Variants in CR1L observed in about 807,000 individuals in gnomAD.
The protein encoded by CR1L is complement C3b/C4b receptor 1 like, also known as complement component receptor 1-like protein.
A neutral mutation model predicts 62.3 loss-of-function variants in CR1L; 59 were observed. The observed-to-expected ratio is 0.95, with a 90% CI of 0.77 to 1.18. The LOEUF (loss-of-function observed/expected upper bound fraction) is 1.18. Among genes scored for constraint, CR1L ranks in the 50% most tolerant of loss-of-function variants. CR1L has a pLI of 0.00. For missense variants in CR1L, 700 were observed against 702.8 expected (o/e 1.00, Z 0.04); for synonymous variants, 279 against 248.7 (o/e 1.12, Z -1.15).
chr1:207,696,715 T>C (rs1664105722), intron 5 of CR1L, among the ~76,000 whole-genome samples: 1 of 152,212 alleles, frequency 6.6e-6, no homozygotes, highest in Admixed American at 6.5e-5. Context: ...CTGAAATTAT[T>C]TTTTCCATTT....
At chr1:207,686,883 C>G (rs947525614) in intron 4 of CR1L, among the ~76,000 whole-genome samples, 2 of 152,038 alleles carry the variant, frequency 1.3e-5, no homozygotes, top group African/African-American at 4.8e-5. Flanking sequence ...TAAAAGAGGC[C>G]CAGAAGAGCT....
At chr1:207,674,483 T>A (rs779650693) in intron 1 of CR1L, among the ~76,000 whole-genome samples, 1 of 152,188 alleles carries the variant, frequency 6.6e-6, no homozygotes, top group East Asian at 1.9e-4. Flanking sequence ...GGAAACTACA[T>A]CAAGCATTCT....
chr1:207,707,349 C>A (rs536065956), intron 9 of CR1L, among the ~76,000 whole-genome samples: 6 of 152,198 alleles, frequency 3.9e-5, no homozygotes, highest in African/African-American at 1.4e-4. Context: ...ATGACAAGGC[C>A]GAGCACAGTG....
At chr1:207,703,914 A>T (rs1166694466) in intron 9 of CR1L, among the ~76,000 whole-genome samples, 1 of 152,168 alleles carries the variant, frequency 6.6e-6, no homozygotes, top group Non-Finnish European at 1.5e-5. Flanking sequence ...AGATTGCGTC[A>T]CCGCACTCCA....
At chr1:207,711,191 G>A (rs1263207672) in intron 10 of CR1L, among the ~76,000 whole-genome samples, 5 of 152,082 alleles carry the variant, frequency 3.3e-5, no homozygotes, top group Non-Finnish European at 7.4e-5. Flanking sequence ...GGCTCATCTT[G>A]TCTACTGATG....
chr1:207,657,058 A>G (rs1011093267), intron 1 of CR1L: 123 of 588,118 alleles, frequency 2.1e-4, no homozygotes, highest in Middle Eastern at 4.3e-4. Flanking sequence ...CACTGAAGAC[A>G]CAGAAATTTT....
At chr1:207,718,654 C>T (rs1654062890) in intron 11 of CR1L, among the ~76,000 whole-genome samples, 1 of 152,156 alleles carries the variant, frequency 6.6e-6, no homozygotes, top group Non-Finnish European at 1.5e-5. Context: ...AACTCCTGAC[C>T]TCAGGTAATC....
At chr1:207,655,296 T>C in intron 1 of CR1L, 1 of 622,446 alleles carries the variant, frequency 1.6e-6, no homozygotes, top group Non-Finnish European at 2.8e-6. Flanking sequence ...TCTTTTTTTT[T>C]TTTTTTTAAT....
At chr1:207,696,268 T>C (rs953445438) in intron 5 of CR1L, among the ~76,000 whole-genome samples, 2 of 152,248 alleles carry the variant, frequency 1.3e-5, no homozygotes, top group African/African-American at 4.8e-5. Context: ...ATCGCTAGAA[T>C]TGAAGCTGTA....
At chr1:207,671,914 C>A (rs1226916188) in intron 1 of CR1L, among the ~76,000 whole-genome samples, 1 of 150,652 alleles carries the variant, frequency 6.6e-6, no homozygotes, top group Non-Finnish European at 1.5e-5. Flanking sequence ...GAGTGAGACT[C>A]TGTCTCAAAA....
At chr1:207,705,721 C>T (rs530863229) in intron 9 of CR1L, among the ~76,000 whole-genome samples, 65 of 152,090 alleles carry the variant, frequency 4.3e-4, no homozygotes, top group South Asian at 2.9e-3. Context: ...GGAATAAGTG[C>T]GAACCTCCCT....
intron 3 of CR1L, among the ~76,000 whole-genome samples, chr1:207,679,153 A>ATTTTTTTTTTTTTT (rs34703217): frequency 3.8e-4 from 34 of 90,290 alleles, no homozygotes; most frequent in Admixed American, 5.2e-4. Flanking sequence ...GCCCACCACC[A>ATTTTTTTTTTTTTT]TTTTTTTTTT....
intron 9 of CR1L, among the ~76,000 whole-genome samples, chr1:207,706,027 A>G (rs1431481919): frequency 6.8e-6 from 1 of 147,620 alleles, no homozygotes; most frequent in African/African-American, 2.5e-5. Context: ...ATATATATAT[A>G]TATATATATA....
At chr1:207,685,674 C>T (rs1392992163) in intron 4 of CR1L, among the ~76,000 whole-genome samples, 1 of 152,210 alleles carries the variant, frequency 6.6e-6, no homozygotes, top group Admixed American at 6.5e-5. Context: ...ACAGTTCCCA[C>T]TGTCATTCCT....
intron 7 of CR1L, 22 bp from the exon 8 acceptor site, chr1:207,699,158 GCTCGCTATT>G: frequency 6.2e-7 from 1 of 1,613,110 alleles, no homozygotes; most frequent in Non-Finnish European, 8.5e-7. Context: ...GGCTGAAACA[GCTCGCTATT>G]CACTCCTATT....
intron 5 of CR1L, among the ~76,000 whole-genome samples, chr1:207,696,121 A>G (rs748646349): frequency 3.3e-4 from 51 of 152,328 alleles, no homozygotes; most frequent in Admixed American, 5.2e-4. Context: ...CAGTCTACAC[A>G]GCACAGGAGC....
chr1:207,685,633 A>G (rs1663888254), intron 4 of CR1L, among the ~76,000 whole-genome samples: 1 of 152,184 alleles, frequency 6.6e-6, no homozygotes, highest in Admixed American at 6.5e-5. Flanking sequence ...TTTGGTCCCC[A>G]AGTGAATTCA....
At position 207,697,539 on chromosome 1, in the gene CR1L, G is replaced by A. The variant is rs370932489; in HGVS notation, c.899G>A (p.Arg300His). The change falls in exon 6 of 12, where the codon CGT becomes CAT. Residue 300 changes from arginine to histidine, a missense_variant. By Grantham distance (29) the Arg-to-His change is conservative. Transcript: ENST00000508064. ...QPPPDVLHAE[R>H]TQRDKDNFSP... ...CCTCCAGATGTCCTGCATGCTGAGC[G>A]TACCCAAAGGGACAAGGACAACTTT... is the stretch of plus-strand genomic sequence containing the variant. 80 of 1,613,648 alleles carry A rather than the reference G, an allele frequency of 5.0e-5. No homozygotes were observed. In the Admixed American group the frequency reaches 5.2e-4, roughly 10 times the overall value.
chr1:207,652,064 T>C (rs796562523), intron 1 of CR1L, among the ~76,000 whole-genome samples: 18 of 152,252 alleles, frequency 1.2e-4, no homozygotes, highest in African/African-American at 4.3e-4. Context: ...GGGTAGAGTG[T>C]AGTAGAAAAA....
Sources: allele counts gnomAD v4.1 joint callset (sites outside exome capture counted in the v4.1 genomes callset), GRCh38; gene constraint gnomAD v4.1.1; transcripts MANE v1.5; gene names NCBI Gene and HGNC (gene_info 2026-07-23, HGNC 2026-07-21).